Variants in CSMD3 observed in about 807,000 individuals in gnomAD.
CSMD3 encodes CUB and Sushi multiple domains 3, also known as CUB and sushi domain-containing protein 3.
A neutral mutation model predicts 435.2 loss-of-function variants in CSMD3; 177 were observed. The ratio of observed to expected loss-of-function variants is 0.41; its 90% CI spans 0.36 to 0.46. The LOEUF is 0.46. CSMD3 is among the 20% of genes least tolerant of loss of function. CSMD3 has a pLI of 0.34. For missense variants in CSMD3, 4,265 were observed against 4,504.6 expected, an observed-to-expected ratio of 0.95 and a Z score of 1.52; for synonymous variants, 1,656 against 1,520.5, an observed-to-expected ratio of 1.09 and a Z score of -2.07.
chr8:112,524,903 C>A (rs912849246), intron 27 of CSMD3, among the ~76,000 whole-genome samples: 3 of 151,894 alleles, frequency 2.0e-5, no homozygotes, highest in Admixed American at 2.0e-4. Flanking sequence ...TAATTGGTTT[C>A]TTAGCCACAT....
intron 32 of CSMD3, among the ~76,000 whole-genome samples, chr8:112,460,950 G>C (rs1817388387): frequency 6.6e-6 from 1 of 152,058 alleles, no homozygotes; most frequent in Non-Finnish European, 1.5e-5. Context: ...CCATATGTTT[G>C]TATACCAAGC....
chr8:112,905,542 A>G, intron 10 of CSMD3, among the ~76,000 whole-genome samples: 1 of 151,518 alleles, frequency 6.6e-6, no homozygotes, highest in East Asian at 2.0e-4. Context: ...CAAAACACAA[A>G]TTTATTTTAC....
At chr8:112,646,249 A>T (rs1278020241) in intron 19 of CSMD3, among the ~76,000 whole-genome samples, 1 of 152,210 alleles carries the variant, frequency 6.6e-6, no homozygotes, top group Non-Finnish European at 1.5e-5. Context: ...GAACACAAGC[A>T]TGAAAATTAA....
At chr8:112,662,397 A>C (rs2075406319) in intron 17 of CSMD3, among the ~76,000 whole-genome samples, 1 of 152,138 alleles carries the variant, frequency 6.6e-6, no homozygotes, top group Non-Finnish European at 1.5e-5. Flanking sequence ...ATCTTTGACA[A>C]ACCTGACAAA....
At chr8:113,133,722 T>C (rs1037199457) in intron 4 of CSMD3, among the ~76,000 whole-genome samples, 2 of 152,168 alleles carry the variant, frequency 1.3e-5, no homozygotes, top group Middle Eastern at 3.4e-3. Context: ...AAGTGACATA[T>C]ATATATAGAA....
chr8:113,167,039 G>T (rs552665514), intron 4 of CSMD3, among the ~76,000 whole-genome samples: 1 of 152,058 alleles, frequency 6.6e-6, no homozygotes, highest in South Asian at 2.1e-4. Context: ...ATAGGTTAAG[G>T]TTTTATATCT....
chr8:113,166,500 T>A (rs770943859), intron 4 of CSMD3, among the ~76,000 whole-genome samples: 1 of 152,140 alleles, frequency 6.6e-6, no homozygotes, highest in Non-Finnish European at 1.5e-5. Flanking sequence ...AGTGAAACTC[T>A]GTCTCAAAAA....
chr8:112,427,920 C>G (rs73702807), intron 32 of CSMD3, among the ~76,000 whole-genome samples: 28,236 of 152,110 alleles, frequency 0.19, 3,218 homozygotes, highest in Middle Eastern at 0.36. Flanking sequence ...AATTTATTCT[C>G]CACACTTTTA....
At chr8:113,295,781 G>C (rs2093716402) in intron 2 of CSMD3, among the ~76,000 whole-genome samples, 1 of 152,090 alleles carries the variant, frequency 6.6e-6, no homozygotes, top group Admixed American at 6.6e-5. Flanking sequence ...ATTTGACCCA[G>C]CCATCCCATT....
chr8:112,806,361 C>T (rs946199128), intron 12 of CSMD3, among the ~76,000 whole-genome samples: 2 of 152,160 alleles, frequency 1.3e-5, no homozygotes, highest in African/African-American at 4.8e-5. Flanking sequence ...TAACAAATTT[C>T]TCAGTTTCCT....
intron 45 of CSMD3, among the ~76,000 whole-genome samples, chr8:112,330,540 A>C (rs142569559): frequency 9.7e-4 from 148 of 152,216 alleles, no homozygotes; most frequent in African/African-American, 3.3e-3. Context: ...CATAAGCCAG[A>C]TCTCAATAAA....
At chr8:113,338,087 A>G (rs2094090467) in intron 1 of CSMD3, among the ~76,000 whole-genome samples, 1 of 152,028 alleles carries the variant, frequency 6.6e-6, no homozygotes, top group Non-Finnish European at 1.5e-5. Context: ...TAAAACAACA[A>G]TAAAAAGAAC....
At position 112,231,463 on chromosome 8, in the gene CSMD3, T is replaced by C. The variant is rs1438297238; in HGVS notation, c.10828+82A>G. On this transcript the variant is annotated intron_variant, in intron 69 of 70. Coordinates refer to ENST00000297405, the MANE Select transcript of CSMD3 (RefSeq NM_198123.2). ...GAATTTATAATGCAGTAAGTGTACC[T>C]AATGTACAGAATCCACAGTCTTTTT... 5.0e-5 allele frequency: 44 copies of C among 874,924 alleles called. No individual in the cohort carries two copies. In the East Asian group the frequency reaches 1.0e-3, roughly 20 times the overall value. The allele number at this position is 874,924 out of a possible 1,614,324, so 54.2% of individuals were successfully genotyped here.
intron 35 of CSMD3, among the ~76,000 whole-genome samples, chr8:112,405,240 T>TAC (rs1256370278): frequency 6.7e-5 from 7 of 105,130 alleles, no homozygotes; most frequent in East Asian, 2.8e-4. Flanking sequence ...TATATATATA[T>TAC]ATATATACAT....
At chr8:112,475,683 T>C (rs1486446829) in intron 31 of CSMD3, among the ~76,000 whole-genome samples, 1 of 152,122 alleles carries the variant, frequency 6.6e-6, no homozygotes, top group African/African-American at 2.4e-5. Context: ...GAACCTAATA[T>C]TTATATAAAT....
intron 32 of CSMD3, among the ~76,000 whole-genome samples, chr8:112,420,948 T>C (rs903415071): frequency 6.6e-6 from 1 of 152,174 alleles, no homozygotes; most frequent in Non-Finnish European, 1.5e-5. Context: ...ACGCACACTC[T>C]GCCATGCCTT....
Position 112,425,261 on chromosome 8 carries a change from A to G in CSMD3, c.5396-16229T>C, listed in dbSNP as rs191517691. Among the ~76,000 whole-genome samples, 391 of 152,314 alleles carry G rather than the reference A, an allele frequency of 2.6e-3. 7 individuals are homozygous for G. The highest frequency in any genetic ancestry group is 0.023 in the Admixed American group (354 of 15,294). ...ATGTGGCTAACTAATGTTTTGAAAG[A>G]TATCTAGAAGGTTATATTCTAATTT... On this transcript the variant is annotated intron_variant, in intron 32 of 70. Coordinates refer to ENST00000297405, the MANE Select transcript of CSMD3 (RefSeq NM_198123.2).
intron 19 of CSMD3, among the ~76,000 whole-genome samples, chr8:112,646,027 C>A (rs2074970000): frequency 6.6e-6 from 1 of 152,188 alleles, no homozygotes. Context: ...CAGTAAGAAT[C>A]ATGAATGCCA....
chr8:113,373,758 T>G (rs1336233256), intron 1 of CSMD3, among the ~76,000 whole-genome samples: 1 of 152,062 alleles, frequency 6.6e-6, no homozygotes, highest in Admixed American at 6.6e-5. Flanking sequence ...AAGCATCACA[T>G]GAAGTTGCTA....
Sources: gnomAD v4.1 joint callset for allele counts (sites outside exome capture counted in the v4.1 genomes callset) on GRCh38, gnomAD v4.1.1 for gene constraint, MANE v1.5 for transcripts, NCBI Gene and HGNC (gene_info 2026-07-23, HGNC 2026-07-21) for gene names.